Variants in NTNG2 observed in about 807,000 individuals in gnomAD.
The protein encoded by NTNG2 is netrin G2, also known as netrin-G2.
A neutral mutation model predicts 47.6 loss-of-function variants in NTNG2; 15 were observed. That is an observed-to-expected ratio of 0.32 (90% CI 0.21 to 0.49). The LOEUF (loss-of-function observed/expected upper bound fraction) is 0.49, where lower values mean the gene tolerates loss of function less well. Among genes scored for constraint, NTNG2 ranks in the 20% least tolerant of loss-of-function variants. NTNG2 has a pLI of 0.99. For synonymous variants in NTNG2, 307 were observed against 324.6 expected, an observed-to-expected ratio of 0.95 and a Z score of 0.58; for missense variants, 578 against 764.6, an observed-to-expected ratio of 0.76 and a Z score of 2.88.
At chr9:132,205,491 G>A (rs1454118993) in intron 3 of NTNG2, among the ~76,000 whole-genome samples, 1 of 152,212 alleles carries the variant, frequency 6.6e-6, no homozygotes, top group East Asian at 1.9e-4. Context: ...AATGGAGACA[G>A]CTTCAGTTTG....
At chr9:132,237,420 G>A (rs1166221487) in intron 5 of NTNG2, among the ~76,000 whole-genome samples, 1 of 152,164 alleles carries the variant, frequency 6.6e-6, no homozygotes, top group Non-Finnish European at 1.5e-5. Flanking sequence ...ATCTCTCCAA[G>A]CTGTGGGCAC....
chr9:132,167,004 G>C lies in NTNG2; in HGVS notation c.173G>C (p.Gly58Ala). The change falls in exon 2 of 8, where the codon GGC (glycine) becomes GCC (alanine). Residue 58 changes from glycine to alanine, a missense_variant. Coordinates refer to ENST00000393229, the MANE Select transcript of NTNG2 (RefSeq NM_032536.4). ...DYVKVKVEPS[G>A]ITCGDPPERF... is the part of the protein sequence containing the mutation. Reference sequence around the variant, plus strand: ...GTCAAGGTGAAGGTGGAGCCCTCAGGCATCACATGTGGAGACCCCCCTGAG... The same window carrying C: ...GTCAAGGTGAAGGTGGAGCCCTCAGCCATCACATGTGGAGACCCCCCTGAG... The C allele has an allele frequency of 6.2e-7, 1 of 1,614,266 alleles. No individual in the cohort carries two copies. The highest frequency in any genetic ancestry group is 8.5e-7 in the Non-Finnish European group (1 of 1,180,042).
Position 132,218,404 on chromosome 9 carries a change from C to T in NTNG2, c.858-8445C>T, listed in dbSNP as rs951837703. On this transcript the variant is annotated intron_variant, in intron 3 of 7. Transcript: ENST00000393229. The surrounding 1 kb of genome is among the most constrained non-coding windows in gnomAD (Gnocchi z 5.4). ...TCGGGTGGCACTCTCAGAACAGTTC[C>T]TCATGCAAAGTGAGCACTCACGCAT... 1.3e-5 allele frequency among the ~76,000 whole-genome samples: 2 copies of T among 152,222 alleles called. No individual in the cohort carries two copies. Among genetic ancestry groups the T allele is most frequent in the Non-Finnish European group, 2.9e-5 (2 of 68,038 alleles).
At position 132,198,105 on chromosome 9, in the gene NTNG2, C is replaced by T. The variant is rs757521060; in HGVS notation, c.353C>T (p.Pro118Leu). The T allele has an allele frequency of 1.9e-6, 3 of 1,613,876 alleles. No individual in the cohort carries two copies. Among genetic ancestry groups the T allele is most frequent in the Non-Finnish European group, 8.5e-7 (1 of 1,180,000 alleles). Residue 118 changes from proline (P) to leucine (L), a missense_variant, in exon 3 of 8, where the codon CCG becomes CTG. Coordinates refer to ENST00000393229, the MANE Select transcript of NTNG2 (RefSeq NM_032536.4). Reference sequence around the variant, plus strand: ...ATCACCTGGAGCCGCTACCCCAGCCCGCTGGAAGCCAACATCACCCTTTCG... The same window carrying T: ...ATCACCTGGAGCCGCTACCCCAGCCTGCTGGAAGCCAACATCACCCTTTCG... ...QSITWSRYPS[P>L]LEANITLSWN...
intron 5 of NTNG2, 38 bp from the exon 6 acceptor site, chr9:132,239,066 C>T (rs764736408): frequency 5.0e-6 from 8 of 1,598,852 alleles, no homozygotes; most frequent in South Asian, 2.2e-5. Context: ...CCTGAATGCT[C>T]GCTGACCATT....
intron 2 of NTNG2, among the ~76,000 whole-genome samples, chr9:132,195,318 T>G (rs1838202377): frequency 6.6e-6 from 1 of 152,052 alleles, no homozygotes; most frequent in South Asian, 2.1e-4. Context: ...GTTTTTGTTT[T>G]TGTTTTTTGA....
In NTNG2 at chr9:132,221,395, C is replaced by G. The variant is rs577118742; in HGVS notation, c.858-5454C>G. Among the ~76,000 whole-genome samples the G allele has an allele frequency of 2.6e-4, 40 of 152,294 alleles. 1 individual carries two copies. Among genetic ancestry groups the G allele is most frequent in the African/African-American group, 8.4e-4 (35 of 41,556 alleles). ...GAGCCAGAGAGGCCAAGAGGTCATA[C>G]ACAAACACCATGTCCACACACACCG... On this transcript the variant is annotated intron_variant, in intron 3 of 7. Coordinates refer to ENST00000393229, the MANE Select transcript of NTNG2 (RefSeq NM_032536.4). This position sits in a 1 kb window ranked among gnomAD's most constrained non-coding sequence, Gnocchi z 4.2.
At chr9:132,230,394 C>T (rs1010242827) in intron 4 of NTNG2, among the ~76,000 whole-genome samples, 178 bp from the exon 5 acceptor site, 3 of 152,182 alleles carry the variant, frequency 2.0e-5, no homozygotes, top group Admixed American at 6.5e-5. Context: ...GGATAATCCA[C>T]CCCCGTCCCC....
rs548035391 is a variant in NTNG2, at chr9:132,208,432, G to C, written c.857+9823G>C. ...AGGGGAGAGGTGTGATCTGATTTCCGGTGTTTGGAAATCTGAGTTGGGGGT... is the reference window on the plus strand; with the variant it reads ...AGGGGAGAGGTGTGATCTGATTTCCCGTGTTTGGAAATCTGAGTTGGGGGT... On this transcript the variant is annotated intron_variant, in intron 3 of 7. Transcript: ENST00000393229. This position sits in a 1 kb window ranked among gnomAD's most constrained non-coding sequence, Gnocchi z 4.0. Among the ~76,000 whole-genome samples the C allele has an allele frequency of 6.6e-6, 1 of 152,282 alleles. No homozygotes were observed. The highest frequency in any genetic ancestry group is 6.5e-5 in the Admixed American group (1 of 15,292).
Position 132,240,966 on chromosome 9 carries a change from T to C in NTNG2, c.1279T>C (p.Cys427Arg). 1 of 1,612,176 alleles carries C rather than the reference T, an allele frequency of 6.2e-7. No homozygotes were observed. Among genetic ancestry groups the C allele is most frequent in the Non-Finnish European group, 8.5e-7 (1 of 1,179,728 alleles). The change falls in exon 7 of 8, where the codon TGC becomes CGC. Residue 427 changes from cysteine (C) to arginine (R), a missense_variant. Cys to Arg is a radical substitution (Grantham distance 180). Transcript: ENST00000393229. ...CGACCGGTGCAACGAGACCGGCTTC[T>C]GCGAGTGCCGCGAGGGCGCGGCGGG... ...VHDRCNETGF[C>R]ECREGAAGPK... is the part of the protein sequence containing the mutation.
chr9:132,182,627 G>A lies in NTNG2; in HGVS notation c.214-15339G>A, dbSNP rs1186159383. Among the ~76,000 whole-genome samples, 1 of 152,222 alleles carries A rather than the reference G, an allele frequency of 6.6e-6. No individual in the cohort carries two copies. Among genetic ancestry groups the A allele is most frequent in the Non-Finnish European group, 1.5e-5 (1 of 68,032 alleles). On this transcript the variant is annotated intron_variant, in intron 2 of 7. Coordinates refer to ENST00000393229, the MANE Select transcript of NTNG2 (RefSeq NM_032536.4). The surrounding 1 kb of genome is among the most constrained non-coding windows in gnomAD (Gnocchi z 4.2). The stretch of plus-strand genomic sequence containing the variant: ...GATGCCCAGGACCTTCCCCCAAGGG[G>A]CTCAGGCATCAGCTGAGAACTGCAG...
chr9:132,241,586 T>G, intron 7 of NTNG2: 6 of 410,752 alleles, frequency 1.5e-5, no homozygotes, highest in Non-Finnish European at 2.2e-5. Flanking sequence ...TCCAGGCGCG[T>G]GGAACAGCAC....
At chr9:132,212,196 G>T (rs1329391819) in intron 3 of NTNG2, among the ~76,000 whole-genome samples, 1 of 152,146 alleles carries the variant, frequency 6.6e-6, no homozygotes, top group Non-Finnish European at 1.5e-5. Flanking sequence ...TCCCTCGGGG[G>T]TGTTGGGCCT....
At chr9:132,204,511 C>T (rs537637735) in intron 3 of NTNG2, among the ~76,000 whole-genome samples, 1 of 152,018 alleles carries the variant, frequency 6.6e-6, no homozygotes, top group South Asian at 2.1e-4. Flanking sequence ...ATTCCTGTAC[C>T]CACCCTCCCT....
intron 2 of NTNG2, among the ~76,000 whole-genome samples, chr9:132,173,434 G>A (rs1432076570): frequency 2.0e-5 from 3 of 152,150 alleles, no homozygotes; most frequent in African/African-American, 7.2e-5. Flanking sequence ...GCAGCTGTGT[G>A]AAAGGGCCCA....
chr9:132,171,858 G>A (rs577449663), intron 2 of NTNG2, among the ~76,000 whole-genome samples: 1 of 152,316 alleles, frequency 6.6e-6, no homozygotes, highest in East Asian at 1.9e-4. Flanking sequence ...TTCCCCCTCT[G>A]TGTTTCTGGC....
chr9:132,227,160 CACAG>C (rs1840828904), intron 4 of NTNG2, 139 bp downstream of exon 4: 1 of 954,142 alleles, frequency 1.0e-6, no homozygotes, highest in African/African-American at 1.7e-5. Flanking sequence ...CAAACGTGCA[CACAG>C]AAACATACGA....
intron 3 of NTNG2, among the ~76,000 whole-genome samples, chr9:132,213,630 C>A (rs1217914442): frequency 6.6e-6 from 1 of 152,200 alleles, no homozygotes; most frequent in Non-Finnish European, 1.5e-5. Flanking sequence ...CATCTCCAAG[C>A]CACCGTAAGA....
At chr9:132,230,625 G>T (rs1589541073) in intron 5 of NTNG2, 30 bp downstream of exon 5, 1 of 1,598,998 alleles carries the variant, frequency 6.3e-7, no homozygotes, top group East Asian at 2.3e-5. Flanking sequence ...GGGTGGCCAG[G>T]GCCCCCACTG....
Sources: gnomAD v4.1 joint callset for allele counts (sites outside exome capture counted in the v4.1 genomes callset) on GRCh38, gnomAD v4.1.1 for gene constraint, Gnocchi (gnomAD v3.1) non-coding constraint, MANE v1.5 for transcripts, NCBI Gene and HGNC (gene_info 2026-07-23, HGNC 2026-07-21) for gene names.